TRANK1: variants seen among roughly 807,000 people sequenced by gnomAD.
The protein encoded by TRANK1 is TPR and ankyrin repeat-containing protein 1.
TRANK1 carries 198 observed loss-of-function variants against 266.0 expected under a neutral mutation model. The ratio of observed to expected loss-of-function variants is 0.74; its 90% confidence interval spans 0.66 to 0.84. TRANK1 has a LOEUF of 0.84. Among genes scored for constraint, TRANK1 ranks in the 40% least tolerant of loss-of-function variants. The probability of loss-of-function intolerance (pLI) is 0.00; values close to 1 mark genes in which losing one functional copy is unlikely to be tolerated. For synonymous variants in TRANK1, 1,396 were observed against 1,384.1 expected, an observed-to-expected ratio of 1.01 and a Z score of -0.19; for missense variants, 3,326 against 3,634.6, an observed-to-expected ratio of 0.92 and a Z score of 2.18.
chr3:36,873,929 T>C (rs1205325973), intron 9 of TRANK1, among the ~76,000 whole-genome samples, 197 bp downstream of exon 9: 7 of 147,410 alleles, frequency 4.7e-5, no homozygotes, highest in African/African-American at 1.8e-4. Context: ...AGCATCTCTC[T>C]AAATAAGAGC....
intron 1 of TRANK1, among the ~76,000 whole-genome samples, chr3:36,914,673 T>C (rs1157513029): frequency 6.7e-6 from 1 of 150,084 alleles, no homozygotes; most frequent in Non-Finnish European, 1.5e-5. Context: ...TTTTCACTCT[T>C]GTCACCCAGG....
At chr3:36,932,036 T>C (rs1255321429) in intron 1 of TRANK1, among the ~76,000 whole-genome samples, 1 of 152,246 alleles carries the variant, frequency 6.6e-6, no homozygotes, top group Admixed American at 6.5e-5. Flanking sequence ...TGTTAGATTC[T>C]TGAATTACAT....
chr3:36,869,024 G>T (rs2079267389), intron 9 of TRANK1, among the ~76,000 whole-genome samples: 3 of 152,350 alleles, frequency 2.0e-5, no homozygotes, highest in South Asian at 4.1e-4. Context: ...AGCAACATCA[G>T]GTAGAGAAAG....
intron 1 of TRANK1, among the ~76,000 whole-genome samples, chr3:36,923,508 G>A (rs531266918): frequency 1.1e-4 from 16 of 152,086 alleles, no homozygotes; most frequent in South Asian, 4.2e-4. Flanking sequence ...CACCTGCCTC[G>A]GCATCCCAAA....
At chr3:36,830,744 T>C (rs983873599) in intron 22 of TRANK1, 129 bp downstream of exon 22, 2 of 1,061,000 alleles carry the variant, frequency 1.9e-6, no homozygotes, top group African/African-American at 3.2e-5. Flanking sequence ...ATTCCTCATT[T>C]GTATTTCTTC....
intron 15 of TRANK1, among the ~76,000 whole-genome samples, chr3:36,849,822 T>C (rs1339880389): frequency 6.6e-6 from 1 of 152,220 alleles, no homozygotes; most frequent in Non-Finnish European, 1.5e-5. Context: ...GGCCAGGGAA[T>C]GCATGGTCAC....
In TRANK1 at chr3:36,879,631, T is replaced by TACAAATATATATAA. The variant is rs2079449824; in HGVS notation, c.908-5336_908-5335insTTATATATATTTGT. Among the ~76,000 whole-genome samples the TACAAATATATATAA allele has an allele frequency of 3.6e-5, 3 of 83,078 alleles. 1 individual carries two copies. The highest frequency in any genetic ancestry group is 6.7e-5 in the Non-Finnish European group (3 of 45,034). 54.5% of individuals were successfully genotyped at this position (83,078 alleles called of 152,430 possible). On this transcript the variant is annotated intron_variant, in intron 8 of 23. Coordinates refer to ENST00000645898, the MANE Select transcript of TRANK1 (RefSeq NM_001329998.2). ...ATAAATATACAAATATATATAAATA[T>TACAAATATATATAA]ATATAAATATACAAATATATATAAA...
intron 9 of TRANK1, among the ~76,000 whole-genome samples, chr3:36,866,889 A>G (rs1004147988): frequency 6.6e-6 from 1 of 152,146 alleles, no homozygotes; most frequent in African/African-American, 2.4e-5. Flanking sequence ...TCACACTTCA[A>G]TAAATCAAGC....
rs1351512541 is a variant in TRANK1 at position 36,831,960 on chromosome 3, G to A, written c.7623C>T (p.Phe2541=). Residue 2541 remains phenylalanine (F), a synonymous_variant, in exon 22 of 24, where the codon TTC becomes TTT. Coordinates refer to ENST00000645898, the MANE Select transcript of TRANK1 (RefSeq NM_001329998.2). The surrounding 1 kb of genome is among the most constrained non-coding windows in gnomAD (Gnocchi z 5.0). ...CACTGAAGGCATCAAGCAGGACGTT[G>A]AAGTTCACATTCTCATAGCCACATA... The part of the protein sequence containing the change: ...KVLCGYENVN[F]NVLLDAFSEI... 1.2e-6 allele frequency: 2 copies of A among 1,613,936 alleles called. No homozygotes were observed. The highest frequency in any genetic ancestry group is 1.7e-6 in the Non-Finnish European group (2 of 1,179,920).
chr3:36,867,680 G>A (rs113913113), intron 9 of TRANK1, among the ~76,000 whole-genome samples: 17 of 152,326 alleles, frequency 1.1e-4, no homozygotes, highest in Admixed American at 5.2e-4. Context: ...AGATGACTAC[G>A]TAAGTACTGA....
In TRANK1 at chr3:36,828,249, AT is replaced by A. The variant is rs772211220; in HGVS notation, c.*25del. ...AAGTCAGAATGGAATGTTCCGAAGG[AT>A]GAGGAGGCTGCAGCTGTGTGGACAT... On this transcript the variant is annotated 3_prime_UTR_variant, in exon 24 of 24. Coordinates refer to ENST00000645898, the MANE Select transcript of TRANK1 (RefSeq NM_001329998.2). The A allele has an allele frequency of 8.8e-5, 135 of 1,529,054 alleles. 1 individual carries two copies. The African/African-American group carries it at 1.8e-3, about 20-fold the overall frequency. The allele number at this position is 1,529,054 out of a possible 1,614,324, so 94.7% of individuals were successfully genotyped here.
Position 36,892,229 on chromosome 3 carries a change from C to A in TRANK1, c.748G>T (p.Ala250Ser), listed in dbSNP as rs1014383357. Reference sequence around the variant, plus strand: ...GCTTGGATACAGAGTCGCATGAGGGCATGAAGGGGATACGGTCCTATAGTC... The same window carrying A: ...GCTTGGATACAGAGTCGCATGAGGGAATGAAGGGGATACGGTCCTATAGTC... Reference protein sequence around the residue: ...VETIGPYPLHALMRLCIQARE... With the variant: ...VETIGPYPLHSLMRLCIQARE... Residue 250 changes from alanine to serine, a missense_variant, in exon 7 of 24, where the codon GCC (alanine) becomes TCC (serine). Coordinates refer to ENST00000645898, the MANE Select transcript of TRANK1 (RefSeq NM_001329998.2). 2 of 1,536,794 alleles carry A rather than the reference C, an allele frequency of 1.3e-6. No homozygotes were observed. The highest frequency in any genetic ancestry group is 1.4e-5 in the African/African-American group (1 of 72,972).
chr3:36,837,187 A>T (rs2078781844), intron 20 of TRANK1, among the ~76,000 whole-genome samples: 1 of 152,232 alleles, frequency 6.6e-6, no homozygotes, highest in Admixed American at 6.5e-5. Flanking sequence ...ATGTTTATGC[A>T]GGTGCCACAA....
At chr3:36,838,793 T>A in intron 18 of TRANK1, 77 bp from the exon 19 acceptor site, 1 of 1,421,820 alleles carries the variant, frequency 7.0e-7, no homozygotes, top group Non-Finnish European at 9.7e-7. Context: ...GCATGCATTA[T>A]AAGTTTGTAC....
intron 1 of TRANK1, among the ~76,000 whole-genome samples, chr3:36,937,009 A>C (rs991005950): frequency 1.3e-5 from 2 of 152,084 alleles, no homozygotes; most frequent in Non-Finnish European, 2.9e-5. Context: ...CTGAGGGAGA[A>C]TTGCTTGAGC....
chr3:36,850,830 T>C (rs1329610752), intron 15 of TRANK1: 22 of 985,286 alleles, frequency 2.2e-5, no homozygotes, highest in Non-Finnish European at 2.7e-5. Flanking sequence ...GGCAGATTTT[T>C]AAAGTGTTAA....
chr3:36,831,363 C>T lies in TRANK1; in HGVS notation c.8220G>A (p.Val2740=), dbSNP rs761979050. The change falls in exon 22 of 24, where the codon GTG becomes GTA. Residue 2740 remains valine, a synonymous_variant. Transcript: ENST00000645898. The surrounding 1 kb of genome is among the most constrained non-coding windows in gnomAD (Gnocchi z 5.0). ...VSLCISWRRR[V]GTQMERVREE... is the part of the protein sequence containing the mutation. ...CCCTGACACGCTCCATCTGGGTGCC[C>T]ACTCTTCTCCTCCAACTGATGCACA... 3 of 1,613,362 alleles carry T rather than the reference C, an allele frequency of 1.9e-6. No homozygotes were observed. The highest frequency in any genetic ancestry group is 1.6e-4 in the Middle Eastern group (1 of 6,062).
intron 6 of TRANK1, 29 bp downstream of exon 6, chr3:36,892,858 TATATATATATATAG>T (rs950044433): frequency 3.1e-5 from 22 of 712,624 alleles, no homozygotes; most frequent in East Asian, 2.6e-4. Context: ...AAAACATATA[TATATATATATATAG>T]ATATATATAG....
intron 11 of TRANK1, among the ~76,000 whole-genome samples, chr3:36,859,095 C>A (rs1035520877): frequency 1.3e-5 from 2 of 152,182 alleles, no homozygotes; most frequent in African/African-American, 2.4e-5. Flanking sequence ...CCTTCAAGCA[C>A]CCTGTCTGGG....
Sources: gnomAD v4.1 joint callset for allele counts (sites outside exome capture counted in the v4.1 genomes callset) on GRCh38, gnomAD v4.1.1 for gene constraint, Gnocchi (gnomAD v3.1) non-coding constraint, MANE v1.5 for transcripts, NCBI Gene and HGNC (gene_info 2026-07-23, HGNC 2026-07-21) for gene names.